Variants in SKI observed in about 807,000 individuals in gnomAD.
SKI encodes the protein SKI proto-oncogene.
In SKI, 23 loss-of-function variants were observed where a neutral mutation model predicts 59.3. The observed-to-expected ratio is 0.39, with a 90% CI of 0.28 to 0.55. SKI has a LOEUF of 0.55. Among genes scored for constraint, SKI ranks in the 20% least tolerant of loss-of-function variants. The pLI is 0.67. For missense variants in SKI, 1,017 were observed against 1,038.9 expected, an observed-to-expected ratio of 0.98 and a Z score of 0.29; for synonymous variants, 673 against 488.6, an observed-to-expected ratio of 1.38 and a Z score of -4.98.
chr1:2,229,532 C>G lies in SKI; in HGVS notation c.766C>G (p.Pro256Ala), dbSNP rs1638583375. Reference protein sequence around the residue: ...QCLDCRLMYPPHKFVVHSHKA... With the variant: ...QCLDCRLMYPAHKFVVHSHKA... ...CCTGGACTGCCGCCTCATGTACCCGCCGCACAAGTTCGTGGTGCACTCGCA... is the reference window on the plus strand; with the variant it reads ...CCTGGACTGCCGCCTCATGTACCCGGCGCACAAGTTCGTGGTGCACTCGCA... The change falls in exon 1 of 7, where the codon CCG (proline) becomes GCG (alanine). Residue 256 changes from proline (P) to alanine (A), a missense_variant. By Grantham distance (27) the Pro-to-Ala change is conservative (BLOSUM62 -1). Transcript: ENST00000378536. The surrounding 1 kb of genome is among the most constrained non-coding windows in gnomAD (Gnocchi z 6.3). The G allele has an allele frequency of 6.2e-7, 1 of 1,611,302 alleles. No homozygotes were observed. Among genetic ancestry groups the G allele is most frequent in the Admixed American group, 1.7e-5 (1 of 59,996 alleles).
At chr1:2,248,784 T>C (rs1639053239) in intron 1 of SKI, among the ~76,000 whole-genome samples, 1 of 152,212 alleles carries the variant, frequency 6.6e-6, no homozygotes, top group Non-Finnish European at 1.5e-5. Context: ...ATTATTTCAG[T>C]CAAGTGGAAG....
At chr1:2,292,766 T>A (rs1254463664) in intron 1 of SKI, among the ~76,000 whole-genome samples, 1 of 152,182 alleles carries the variant, frequency 6.6e-6, no homozygotes, top group Non-Finnish European at 1.5e-5. Flanking sequence ...CTGTGGCTTT[T>A]AGGAACCTTG....
chr1:2,287,191 G>A (rs948834600), intron 1 of SKI, among the ~76,000 whole-genome samples: 1 of 152,098 alleles, frequency 6.6e-6, no homozygotes, highest in African/African-American at 2.4e-5. Flanking sequence ...ACCCTGGGCC[G>A]TGCGGGGCTC....
chr1:2,304,594 G>GGC lies in SKI; in HGVS notation c.1767+11_1767+12dup. The GGC allele has an allele frequency of 6.5e-7, 1 of 1,544,502 alleles. No individual in the cohort carries two copies. Among genetic ancestry groups the GGC allele is most frequent in the Non-Finnish European group, 8.7e-7 (1 of 1,143,618 alleles). On this transcript the variant is annotated intron_variant, in intron 5 of 6. Coordinates refer to ENST00000378536, the MANE Select transcript of SKI (RefSeq NM_003036.4). The stretch of plus-strand genomic sequence containing the variant: ...AGCGCAGCCTCCACCAGGTGAGCGG[G>GGC]GCGAGTGGTGCTGGGAGGTCCAGGG...
intron 1 of SKI, among the ~76,000 whole-genome samples, chr1:2,258,548 C>G (rs1194773519): frequency 1.5e-5 from 2 of 133,286 alleles, no homozygotes; most frequent in African/African-American, 2.8e-5. Flanking sequence ...TCGGGGAACT[C>G]ATGTTTTTTT....
At position 2,282,458 on chromosome 1, in the gene SKI, AGGACGCCTGAGAAGACAGGCGGTGGTG is replaced by A. The variant is rs1639912590; in HGVS notation, c.970-20518_970-20492del. ...GGCGGTGGCGGAGATCTTCAGAGAG[AGGACGCCTGAGAAGACAGGCGGTGGTG>A]GAGATCTTCAGAGAGAGGACGCCTG... is the stretch of plus-strand genomic sequence containing the variant. On this transcript the variant is annotated intron_variant, in intron 1 of 6. Coordinates refer to ENST00000378536, the MANE Select transcript of SKI (RefSeq NM_003036.4). Among the ~76,000 whole-genome samples, 4 of 111,202 alleles carry A rather than the reference AGGACGCCTGAGAAGACAGGCGGTGGTG, an allele frequency of 3.6e-5. 1 individual carries two copies. Among genetic ancestry groups the A allele is most frequent in the Non-Finnish European group, 1.9e-5 (1 of 51,894 alleles). 73.0% of individuals were successfully genotyped at this position (111,202 alleles called of 152,430 possible).
At chr1:2,233,734 C>G (rs1185140150) in intron 1 of SKI, among the ~76,000 whole-genome samples, 1 of 152,152 alleles carries the variant, frequency 6.6e-6, no homozygotes, top group Non-Finnish European at 1.5e-5. Context: ...TGGGGAATGA[C>G]TGAGCTTGTG....
At chr1:2,271,637 C>T (rs1639623491) in intron 1 of SKI, among the ~76,000 whole-genome samples, 1 of 152,114 alleles carries the variant, frequency 6.6e-6, no homozygotes, top group Non-Finnish European at 1.5e-5. Flanking sequence ...ACCTTTGTCC[C>T]ATTGAGCCCC....
chr1:2,237,209 C>T (rs1249071184), intron 1 of SKI, among the ~76,000 whole-genome samples: 2 of 152,152 alleles, frequency 1.3e-5, no homozygotes, highest in South Asian at 2.1e-4. Flanking sequence ...CCGGGAAGTG[C>T]GTCAGGAGTG....
chr1:2,271,690 C>T (rs1207166690), intron 1 of SKI, among the ~76,000 whole-genome samples: 2 of 151,230 alleles, frequency 1.3e-5, no homozygotes, highest in Non-Finnish European at 3.0e-5. Context: ...GGGCCCGCCC[C>T]AGGGCGGGGA....
At position 2,309,485 on chromosome 1, in the gene SKI, A is replaced by G. The variant is rs1230451156; in HGVS notation, c.*2720A>G. On this transcript the variant is annotated 3_prime_UTR_variant, in exon 7 of 7. Coordinates refer to ENST00000378536, the MANE Select transcript of SKI (RefSeq NM_003036.4). The stretch of plus-strand genomic sequence containing the variant: ...CTTTTTCCTTTTTCACCGTTGTATT[A>G]TACATGTATATGCTGGGTCCTTTTT... The G allele has an allele frequency of 2.0e-5, 3 of 152,132 alleles. No homozygotes were observed. Among genetic ancestry groups the G allele is most frequent in the Non-Finnish European group, 2.9e-5 (2 of 68,012 alleles). The allele number at this position is 152,132 out of a possible 1,614,324, so 9.4% of individuals were successfully genotyped here.
chr1:2,306,118 G>T lies in SKI; in HGVS notation c.1866G>T (p.Glu622Asp). Residue 622 changes from glutamate to aspartate, a missense_variant, in exon 6 of 7, where the codon GAG becomes GAT. By Grantham distance (45) the Glu-to-Asp change is conservative (BLOSUM62 2). Transcript: ENST00000378536. ...AGGAGATCGAGCGTCTCCGCGCCGAGAACGAGAAGAAGATGAAAGAGGCCA... is the reference window on the plus strand; with the variant it reads ...AGGAGATCGAGCGTCTCCGCGCCGATAACGAGAAGAAGATGAAAGAGGCCA... ...LRKEIERLRA[E>D]NEKKMKEANE... is the part of the protein sequence containing the mutation. 6.3e-7 allele frequency: 1 copy of T among 1,598,450 alleles called. No individual in the cohort carries two copies. Among genetic ancestry groups the T allele is most frequent in the Non-Finnish European group, 8.5e-7 (1 of 1,173,936 alleles).
At chr1:2,288,503 T>C (rs1041598758) in intron 1 of SKI, among the ~76,000 whole-genome samples, 1 of 152,254 alleles carries the variant, frequency 6.6e-6, no homozygotes, top group Admixed American at 6.5e-5. Flanking sequence ...CGATTGGTTG[T>C]CGTCGTTTCC....
intron 1 of SKI, among the ~76,000 whole-genome samples, chr1:2,242,640 T>C (rs1188935187): frequency 2.0e-5 from 3 of 152,154 alleles, no homozygotes; most frequent in African/African-American, 7.2e-5. Context: ...CCGCCTCAGC[T>C]TCCTGAGTAG....
In SKI at chr1:2,303,067, C is replaced by T. The variant is rs375991331; in HGVS notation, c.1059C>T (p.Ser353=). The T allele has an allele frequency of 1.1e-5, 18 of 1,613,512 alleles. No homozygotes were observed. The highest frequency in any genetic ancestry group is 1.3e-5 in the African/African-American group (1 of 74,938). Residue 353 remains serine, a synonymous_variant, in exon 2 of 7, where the codon TCC becomes TCT. Coordinates refer to ENST00000378536, the MANE Select transcript of SKI (RefSeq NM_003036.4). The surrounding 1 kb of genome is among the most constrained non-coding windows in gnomAD (Gnocchi z 5.6). ...SPAPSEKDKP[S]SWLRTLAGSS... is the part of the protein sequence containing the mutation. ...CGCCTTCCGAAAAGGACAAGCCGTC[C>T]AGCTGGCTGCGGACCTTGGCCGGCT... is the stretch of plus-strand genomic sequence containing the variant.
At chr1:2,271,403 G>A (rs1444417221) in intron 1 of SKI, among the ~76,000 whole-genome samples, 6 of 152,030 alleles carry the variant, frequency 3.9e-5, no homozygotes, top group Admixed American at 6.5e-5. Flanking sequence ...TTATGGAGCC[G>A]CGTGGCGCCT....
At chr1:2,232,131 T>A (rs2100795013) in intron 1 of SKI, among the ~76,000 whole-genome samples, 1 of 152,388 alleles carries the variant, frequency 6.6e-6, no homozygotes, top group Non-Finnish European at 1.5e-5. Context: ...CTCCCACTCG[T>A]GTCTTGACAG....
intron 1 of SKI, among the ~76,000 whole-genome samples, chr1:2,233,712 C>G (rs571506463): frequency 6.6e-6 from 1 of 152,084 alleles, no homozygotes; most frequent in Non-Finnish European, 1.5e-5. Flanking sequence ...CTTTGAGTCT[C>G]GAGGTCTGTT....
intron 1 of SKI, among the ~76,000 whole-genome samples, chr1:2,290,929 G>A (rs12731820): frequency 0.35 from 53,274 of 152,118 alleles, 10,219 homozygotes; most frequent in East Asian, 0.45. Flanking sequence ...TTTCTGCAGC[G>A]TTTCCTCTCA....
Sources: allele counts gnomAD v4.1 joint callset (sites outside exome capture counted in the v4.1 genomes callset), GRCh38; gene constraint gnomAD v4.1.1; non-coding constraint Gnocchi (gnomAD v3.1); transcripts MANE v1.5; gene names NCBI Gene and HGNC (gene_info 2026-07-23, HGNC 2026-07-21).